CEP72: variants seen among roughly 807,000 people sequenced by gnomAD.
CEP72 encodes the protein centrosomal protein 72, also known as centrosomal protein of 72 kDa.
A neutral mutation model predicts 65.7 loss-of-function variants in CEP72; 78 were observed. The ratio of observed to expected loss-of-function variants is 1.19; its 90% confidence interval spans 0.99 to 1.43. The LOEUF (loss-of-function observed/expected upper bound fraction) is 1.43, where lower values mean the gene tolerates loss of function less well. Among genes scored for constraint, CEP72 ranks in the 40% most tolerant of loss-of-function variants. The pLI, the probability that CEP72 is intolerant of heterozygous loss-of-function variation, is 0.00. For synonymous variants in CEP72, 358 were observed against 351.7 expected (o/e 1.02, Z -0.20); for missense variants, 914 against 832.9 (o/e 1.10, Z -1.20).
downstream of CEP72, among the ~76,000 whole-genome samples, chr5:654,077 C>T (rs1458319155): frequency 8.8e-6 from 1 of 113,506 alleles, no homozygotes; most frequent in Non-Finnish European, 1.8e-5. Flanking sequence ...TGTGTGTGCG[C>T]CTAGTGTGTG....
chr5:657,323 T>TG (rs1006043988), downstream of CEP72, among the ~76,000 whole-genome samples: 2 of 152,304 alleles, frequency 1.3e-5, no homozygotes, highest in East Asian at 3.9e-4. Flanking sequence ...ACTGGGTAGC[T>TG]GCGTGCTCTA....
chr5:645,373 C>T lies in CEP72; in HGVS notation c.1666+948C>T, dbSNP rs899540753. Among the ~76,000 whole-genome samples the T allele has an allele frequency of 6.6e-6, 1 of 151,296 alleles. No individual in the cohort carries two copies. The highest frequency in any genetic ancestry group is 1.5e-5 in the Non-Finnish European group (1 of 67,906). On this transcript the variant is annotated intron_variant, in intron 10 of 11. Coordinates refer to ENST00000264935, the MANE Select transcript of CEP72 (RefSeq NM_018140.4). This position sits in a 1 kb window ranked among gnomAD's most constrained non-coding sequence, Gnocchi z 4.0. ...TTATTTATAAATTTTGCTTTTCTATCTTCTGTTTCTTTAAGATACTGTTAT... is the reference window on the plus strand; with the variant it reads ...TTATTTATAAATTTTGCTTTTCTATTTTCTGTTTCTTTAAGATACTGTTAT...
rs373691086 is a variant in CEP72 at position 619,093 on chromosome 5, G to A, written c.186G>A (p.Ser62=). 1.5e-5 allele frequency: 24 copies of A among 1,613,588 alleles called. No homozygotes were observed. The highest frequency in any genetic ancestry group is 7.7e-5 in the South Asian group (7 of 91,074). ...SLTGLKSLDL[S]RNSLVSLEGI... The stretch of plus-strand genomic sequence containing the variant: ...CAGGTCTGAAATCTTTGGATCTCTC[G>A]CGCAACTCCTTGGTTAGTCTGGAGG... Residue 62 remains serine, a synonymous_variant, in exon 2 of 12, where the codon TCG becomes TCA. Coordinates refer to ENST00000264935, the MANE Select transcript of CEP72 (RefSeq NM_018140.4).
chr5:615,191 A>G (rs1481517705), intron 1 of CEP72, among the ~76,000 whole-genome samples: 1 of 138,786 alleles, frequency 7.2e-6, no homozygotes, highest in Non-Finnish European at 1.5e-5. Context: ...GCTGGAGTGC[A>G]GTGGCACGAT....
chr5:627,150 T>C (rs1458548462), intron 4 of CEP72, among the ~76,000 whole-genome samples: 1 of 152,262 alleles, frequency 6.6e-6, no homozygotes, highest in Non-Finnish European at 1.5e-5. Flanking sequence ...TGGAAGGTTA[T>C]TAACTATTGA....
At chr5:665,268 C>T (rs1186270876) in exon 3 of CEP72, 1 of 1,613,568 alleles carries the variant, frequency 6.2e-7, no homozygotes, top group Non-Finnish European at 8.5e-7. Context: ...GTCCGTGAGC[C>T]TCGACACTGT....
intron 3 of CEP72, chr5:665,917 A>AC: frequency 3.7e-5 from 3 of 80,392 alleles, no homozygotes; most frequent in Admixed American, 3.2e-4. Flanking sequence ...CCCACCTTCC[A>AC]GGCCCCGCCC....
downstream of CEP72, among the ~76,000 whole-genome samples, chr5:655,895 T>C (rs1739365660): frequency 6.6e-6 from 1 of 152,254 alleles, no homozygotes; most frequent in East Asian, 1.9e-4. This position sits in a 1 kb window ranked among gnomAD's most constrained non-coding sequence, Gnocchi z 5.0. Flanking sequence ...ATGGTGTCTT[T>C]TAAGAGAAAT....
At chr5:626,094 C>T (rs1561034043) in intron 4 of CEP72, among the ~76,000 whole-genome samples, 1 of 152,242 alleles carries the variant, frequency 6.6e-6, no homozygotes, top group South Asian at 2.1e-4. Flanking sequence ...TGGAATCCTG[C>T]ACCCTGGCTG....
chr5:637,944 TTACGGCGGTGCCGTGATTACGCC>T lies in CEP72; in HGVS notation c.1206+133_1206+155del, dbSNP rs569550347. The T allele has an allele frequency of 2.6e-3, 2,475 of 940,428 alleles. 42 individuals carry two copies. The African/African-American group carries it at 0.036, about 14-fold the overall frequency. 58.3% of individuals were successfully genotyped at this position (940,428 alleles called of 1,614,324 possible). On this transcript the variant is annotated intron_variant, in intron 7 of 11. Transcript: ENST00000264935. ...TGTGTCCCTCCCTGATGCAGGGCTG[TTACGGCGGTGCCGTGATTACGCC>T]TACGGCACTGACCGTGTCCCTCCCT...
At chr5:631,801 C>A (rs1287248921) in intron 4 of CEP72, among the ~76,000 whole-genome samples, 11 of 45,368 alleles carry the variant, frequency 2.4e-4, no homozygotes, top group Admixed American at 4.5e-4. Context: ...CGGGATTTGG[C>A]CCAGTCCTGG....
intron 5 of CEP72, among the ~76,000 whole-genome samples, chr5:634,458 G>A (rs540233654): frequency 1.2e-3 from 187 of 152,334 alleles, no homozygotes; most frequent in African/African-American, 3.9e-3. Context: ...AGAACTTTTC[G>A]TGGAAACAAC....
At chr5:637,016 A>G (rs1737651000) in intron 6 of CEP72, among the ~76,000 whole-genome samples, 1 of 151,950 alleles carries the variant, frequency 6.6e-6, no homozygotes, top group Non-Finnish European at 1.5e-5. Flanking sequence ...TCCTGCCTTC[A>G]TTGTCCTTCC....
exon 4 of CEP72, chr5:665,960 C>T (rs1282758663): frequency 6.3e-7 from 1 of 1,585,062 alleles, no homozygotes; most frequent in South Asian, 1.1e-5. Flanking sequence ...TCCATCCCCG[C>T]CCTGCTCACC....
intron 2 of CEP72, chr5:664,909 T>G: frequency 3.3e-6 from 2 of 611,994 alleles, no homozygotes; most frequent in Non-Finnish European, 5.6e-6. Flanking sequence ...CCAAACCTGG[T>G]TTGAGAGGGG....
Position 624,281 on chromosome 5 carries a change from G to A in CEP72, c.404-190G>A, listed in dbSNP as rs1388366421. 2.0e-5 allele frequency among the ~76,000 whole-genome samples: 3 copies of A among 152,204 alleles called. No individual in the cohort carries two copies. Among genetic ancestry groups the A allele is most frequent in the Non-Finnish European group, 4.4e-5 (3 of 68,028 alleles). On this transcript the variant is annotated intron_variant, in intron 3 of 11. Coordinates refer to ENST00000264935, the MANE Select transcript of CEP72 (RefSeq NM_018140.4). This position sits in a 1 kb window ranked among gnomAD's most constrained non-coding sequence, Gnocchi z 4.7. ...CAGCAGTGAGCTCTGAGGGACAGGC[G>A]GCCTCAGCACCACGCTGGGCATCGC... is the stretch of plus-strand genomic sequence containing the variant.
At chr5:613,624 C>T (rs1466613101) in intron 1 of CEP72, among the ~76,000 whole-genome samples, 2 of 152,208 alleles carry the variant, frequency 1.3e-5, no homozygotes, top group African/African-American at 4.8e-5. Flanking sequence ...GCCTTGGCCT[C>T]CCAAAGTGCT....
Position 635,438 on chromosome 5 carries a change from G to A in CEP72, c.758G>A (p.Arg253His), listed in dbSNP as rs757978028. ...YQCGDSGKQG[R>H]ETRRSSCRGC... ...TGTGGGGACTCTGGGAAGCAGGGCC[G>A]TGAGACGAGGAGGAGCAGCTGCAGA... The change falls in exon 6 of 12, where the codon CGT (arginine) becomes CAT (histidine). Residue 253 changes from arginine (R) to histidine (H), a missense_variant. Coordinates refer to ENST00000264935, the MANE Select transcript of CEP72 (RefSeq NM_018140.4). 2.7e-5 allele frequency: 44 copies of A among 1,613,982 alleles called. 1 individual carries two copies. Among genetic ancestry groups the A allele is most frequent in the East Asian group, 4.5e-5 (2 of 44,896 alleles).
intron 11 of CEP72, among the ~76,000 whole-genome samples, chr5:649,106 G>GACT (rs1561062484): frequency 1.2e-5 from 1 of 81,494 alleles, no homozygotes; most frequent in African/African-American, 4.1e-5. Context: ...TGTGAGGTGT[G>GACT]GACTGTGAGG....
Sources: allele counts gnomAD v4.1 joint callset (sites outside exome capture counted in the v4.1 genomes callset), GRCh38; gene constraint gnomAD v4.1.1; non-coding constraint Gnocchi (gnomAD v3.1); transcripts MANE v1.5; gene names NCBI Gene and HGNC (gene_info 2026-07-23, HGNC 2026-07-21).